IL1RL2: variants seen among roughly 807,000 people sequenced by gnomAD.
The protein encoded by IL1RL2 is interleukin-1 receptor-like 2.
A neutral mutation model predicts 66.8 loss-of-function variants in IL1RL2; 68 were observed. That is an observed-to-expected ratio of 1.02 (90% confidence interval 0.84 to 1.25). IL1RL2 has a LOEUF of 1.25. Among genes scored for constraint, IL1RL2 ranks in the 50% most tolerant of loss-of-function variants. The pLI, the probability that IL1RL2 is intolerant of heterozygous loss-of-function variation, is 0.00. For synonymous variants in IL1RL2, 305 were observed against 264.6 expected, an observed-to-expected ratio of 1.15 and a Z score of -1.48; for missense variants, 729 against 709.3, an observed-to-expected ratio of 1.03 and a Z score of -0.32.
At chr2:102,232,909 A>C in intron 9 of IL1RL2, 54 bp from the exon 10 acceptor site, 1 of 1,575,334 alleles carries the variant, frequency 6.3e-7, no homozygotes, top group Non-Finnish European at 8.7e-7. Context: ...CGGTTTATTA[A>C]CATGAGAGAA....
intron 4 of IL1RL2, among the ~76,000 whole-genome samples, chr2:102,192,693 T>C (rs1460366993): frequency 1.3e-5 from 2 of 152,214 alleles, no homozygotes; most frequent in Non-Finnish European, 2.9e-5. Flanking sequence ...TCCTGGCATA[T>C]GTTGACATAG....
intron 5 of IL1RL2, among the ~76,000 whole-genome samples, chr2:102,207,812 A>G (rs934915263): frequency 5.3e-5 from 8 of 152,156 alleles, no homozygotes; most frequent in Non-Finnish European, 1.2e-4. Context: ...GGACTCACCT[A>G]AGAGTTGCAG....
In IL1RL2 at chr2:102,192,106, A is replaced by G. The variant is rs139675902; in HGVS notation, c.475A>G (p.Ile159Val). Residue 159 changes from isoleucine (I) to valine (V), a missense_variant, in exon 4 of 12, where the codon ATA becomes GTA. Physicochemically the swap from Ile to Val is conservative, Grantham distance 29 (BLOSUM62 3). Transcript: ENST00000264257. The stretch of plus-strand genomic sequence containing the variant: ...CCCGAAGAGTTGTGTTTTGGGTCCA[A>G]TAAAGTGGTATAAGGTAAAAAAGAA... ...HFPKSCVLGPIKWYKDCNEIK... is the reference protein window; with the variant it reads ...HFPKSCVLGPVKWYKDCNEIK... The G allele has an allele frequency of 3.2e-6, 5 of 1,585,306 alleles. No homozygotes were observed. The highest frequency in any genetic ancestry group is 1.2e-5 in the South Asian group (1 of 85,408).
At chr2:102,242,513 G>A (rs904501944), downstream of IL1RL2, among the ~76,000 whole-genome samples, 3 of 152,186 alleles carry the variant, frequency 2.0e-5, no homozygotes, top group Non-Finnish European at 2.9e-5. Flanking sequence ...AACCAGTGGC[G>A]CTGATGATAT....
At chr2:102,210,414 G>A (rs768234827) in intron 5 of IL1RL2, among the ~76,000 whole-genome samples, 3 of 152,140 alleles carry the variant, frequency 2.0e-5, no homozygotes, top group Non-Finnish European at 2.9e-5. Context: ...AAAAGCAGGA[G>A]AGTAGCATGA....
rs781400207 is a variant in IL1RL2 at position 102,225,890 on chromosome 2, A to G, written c.992-8A>G. Reference sequence around the variant, plus strand: ...TAATTATTATTATTTTTTTGCTGTCATTTGTAGCTCCGGATTTTCGAGCTT... The same window carrying G: ...TAATTATTATTATTTTTTTGCTGTCGTTTGTAGCTCCGGATTTTCGAGCTT... On this transcript the variant is annotated splice_region_variant and splice_polypyrimidine_tract_variant and intron_variant, in intron 8 of 11. Transcript: ENST00000264257. 1.6e-5 allele frequency: 25 copies of G among 1,556,620 alleles called. No individual in the cohort carries two copies. The highest frequency in any genetic ancestry group is 2.2e-5 in the Non-Finnish European group (25 of 1,153,672).
In IL1RL2 at chr2:102,212,061, G is replaced by A. The variant is rs781007281; in HGVS notation, c.650-39G>A. ...CAAAGTACTTGGGAATGTATCATAC[G>A]TGATTCTAATGCAATTTCCTGTGGG... is the stretch of plus-strand genomic sequence containing the variant. On this transcript the variant is annotated intron_variant, in intron 5 of 11. Transcript: ENST00000264257. 3.6e-5 allele frequency: 52 copies of A among 1,460,210 alleles called. 1 individual carries two copies. The highest frequency in any genetic ancestry group is 1.4e-4 in the South Asian group (12 of 87,718). The allele number at this position is 1,460,210 out of a possible 1,614,324, so 90.5% of individuals were successfully genotyped here. A position where few individuals can be genotyped will look rare whatever the true frequency, so the allele number is the denominator to read the frequency against.
chr2:102,223,696 C>G (rs1180261188), intron 8 of IL1RL2, among the ~76,000 whole-genome samples: 1 of 152,140 alleles, frequency 6.6e-6, no homozygotes, highest in East Asian at 1.9e-4. Flanking sequence ...GCTTTCTGAG[C>G]CTCATTAGTA....
chr2:102,216,735 T>C (rs1028541429), intron 6 of IL1RL2, among the ~76,000 whole-genome samples: 1 of 152,170 alleles, frequency 6.6e-6, no homozygotes, highest in Non-Finnish European at 1.5e-5. Flanking sequence ...TTTTATTGTG[T>C]ATCTGCTGCA....
At chr2:102,201,794 C>A (rs1688283829) in intron 5 of IL1RL2, 79 bp downstream of exon 5, 3 of 1,403,650 alleles carry the variant, frequency 2.1e-6, no homozygotes, top group Non-Finnish European at 3.0e-6. Flanking sequence ...GGGTTTTGGG[C>A]TTTGAGCAGG....
intron 1 of IL1RL2, 39 bp from the exon 2 acceptor site, chr2:102,187,817 T>C: frequency 2.3e-6 from 3 of 1,306,948 alleles, no homozygotes; most frequent in Non-Finnish European, 3.3e-6. Context: ...CCCGCCCTAC[T>C]GCGTCCTCCC....
chr2:102,192,652 T>A (rs2104715463), intron 4 of IL1RL2, among the ~76,000 whole-genome samples: 1 of 152,366 alleles, frequency 6.6e-6, no homozygotes, highest in Middle Eastern at 3.4e-3. Flanking sequence ...ACTTTGTGTT[T>A]TCATCTTCAA....
In IL1RL2 at chr2:102,189,095, T is replaced by C. The variant is rs1315630416; in HGVS notation, c.78T>C (p.Phe26=). 6.2e-7 allele frequency: 1 copy of C among 1,613,858 alleles called. No individual in the cohort carries two copies. The change falls in exon 3 of 12, where the codon TTT becomes TTC. Residue 26 remains phenylalanine, a synonymous_variant. Coordinates refer to ENST00000264257, the MANE Select transcript of IL1RL2 (RefSeq NM_003854.4). ...CCCTAGATGGATGCAAGGACATTTT[T>C]ATGAAAAATGAGATACTTTCAGCAA... ...SVTADGCKDI[F]MKNEILSASQ... is the part of the protein sequence containing the mutation.
chr2:102,225,971 A>G lies in IL1RL2; in HGVS notation c.1065A>G (p.Ile355Met), dbSNP rs769731507. Residue 355 changes from isoleucine to methionine, a missense_variant, in exon 9 of 12, where the codon ATA becomes ATG. Transcript: ENST00000264257. Reference sequence around the variant, plus strand: ...CTGTGGCTGTGTCTGTTGTGTACATATACAACATTTTTAAGATCGACATTG... The same window carrying G: ...CTGTGGCTGTGTCTGTTGTGTACATGTACAACATTTTTAAGATCGACATTG... ...LVAVAVSVVY[I>M]YNIFKIDIVL... 2 of 1,610,308 alleles carry G rather than the reference A, an allele frequency of 1.2e-6. No individual in the cohort carries two copies. The highest frequency in any genetic ancestry group is 1.7e-6 in the Non-Finnish European group (2 of 1,178,128).
At chr2:102,187,822 C>A in intron 1 of IL1RL2, 34 bp from the exon 2 acceptor site, 7 of 1,532,756 alleles carry the variant, frequency 4.6e-6, no homozygotes, top group Non-Finnish European at 6.3e-6. Context: ...CCTACTGCGT[C>A]CTCCCCTCCC....
chr2:102,197,544 A>G lies in IL1RL2; in HGVS notation c.490-4012A>G, dbSNP rs10201203. Reference sequence around the variant, plus strand: ...TTTATCCTGTAGAGGCCATAAAACTAAAAAGACACAGGAACAAAATGACCA... The same window carrying G: ...TTTATCCTGTAGAGGCCATAAAACTGAAAAGACACAGGAACAAAATGACCA... On this transcript the variant is annotated intron_variant, in intron 4 of 11. Coordinates refer to ENST00000264257, the MANE Select transcript of IL1RL2 (RefSeq NM_003854.4). 5.4e-3 allele frequency among the ~76,000 whole-genome samples: 825 copies of G among 152,328 alleles called. 12 individuals carry two copies. Among genetic ancestry groups the G allele is most frequent in the African/African-American group, 0.019 (792 of 41,566 alleles).
chr2:102,222,026 C>T (rs561791916), intron 8 of IL1RL2, among the ~76,000 whole-genome samples: 4 of 152,330 alleles, frequency 2.6e-5, no homozygotes, highest in African/African-American at 9.6e-5. Flanking sequence ...TCCTCCCCTC[C>T]TGATAATCAT....
At chr2:102,208,903 T>A (rs1688926992) in intron 5 of IL1RL2, among the ~76,000 whole-genome samples, 3 of 152,250 alleles carry the variant, frequency 2.0e-5, no homozygotes, top group Non-Finnish European at 4.4e-5. Flanking sequence ...GCTCTTGGGT[T>A]TTCTGCTGAC....
intron 11 of IL1RL2, chr2:102,235,514 T>C: frequency 1.0e-6 from 1 of 985,470 alleles, no homozygotes; most frequent in Non-Finnish European, 1.2e-6. Context: ...TATGGGCTTA[T>C]TGACACATGC....
Sources: allele counts gnomAD v4.1 joint callset (sites outside exome capture counted in the v4.1 genomes callset), GRCh38; gene constraint gnomAD v4.1.1; transcripts MANE v1.5; gene names NCBI Gene and HGNC (gene_info 2026-07-23, HGNC 2026-07-21).